Variants in ATP6V1B1 observed in about 807,000 individuals in gnomAD.
ATP6V1B1 encodes the protein ATPase H+ transporting V1 subunit B1.
A neutral mutation model predicts 62.1 loss-of-function variants in ATP6V1B1; 41 were observed. The ratio of observed to expected loss-of-function variants is 0.66; its 90% confidence interval spans 0.51 to 0.86. The LOEUF is 0.86. Among genes scored for constraint, ATP6V1B1 ranks in the 40% least tolerant of loss-of-function variants. The pLI is 0.00. For missense variants in ATP6V1B1, 651 were observed against 697.5 expected (o/e 0.93, Z 0.75); for synonymous variants, 253 against 273.4 (o/e 0.93, Z 0.74).
At chr2:70,944,308 A>T in intron 2 of ATP6V1B1, 1 of 1,054,086 alleles carries the variant, frequency 9.5e-7, no homozygotes, top group South Asian at 1.4e-5. Flanking sequence ...AGACACTGAC[A>T]GTATCTTGAG....
intron 12 of ATP6V1B1, 33 bp downstream of exon 12, chr2:70,964,575 C>T (rs1247610367): frequency 2.5e-6 from 4 of 1,610,294 alleles, no homozygotes; most frequent in East Asian, 4.5e-5. Context: ...GCTGGTAGGT[C>T]CTCTAGTTTC....
intron 8 of ATP6V1B1, among the ~76,000 whole-genome samples, chr2:70,962,405 G>A (rs1553420234): frequency 6.6e-6 from 1 of 152,174 alleles, no homozygotes; most frequent in East Asian, 1.9e-4. Flanking sequence ...CAGAGCTAAA[G>A]CAGGTGCCCC....
intron 1 of ATP6V1B1, chr2:70,938,484 C>CTGGGCCACGGTGGAGGTGAGTCCAG: frequency 1.1e-6 from 1 of 947,022 alleles, no homozygotes; most frequent in Non-Finnish European, 1.3e-6. Flanking sequence ...CCAGTGCTCG[C>CTGGGCCACGGTGGAGGTGAGTCCAG]TGGGCCACGG....
chr2:70,937,790 T>A (rs889800941), intron 1 of ATP6V1B1, among the ~76,000 whole-genome samples: 15 of 151,932 alleles, frequency 9.9e-5, no homozygotes, highest in Non-Finnish European at 1.6e-4. Flanking sequence ...AGGTACCATC[T>A]AACCCCACAC....
intron 2 of ATP6V1B1, among the ~76,000 whole-genome samples, chr2:70,952,829 T>C (rs1553418514): frequency 6.6e-6 from 1 of 152,228 alleles, no homozygotes; most frequent in African/African-American, 2.4e-5. Flanking sequence ...TTGTTATTCA[T>C]TTTATTTTAT....
chr2:70,944,297 C>A, intron 2 of ATP6V1B1: 2 of 1,122,220 alleles, frequency 1.8e-6, no homozygotes, highest in South Asian at 1.4e-5. Flanking sequence ...GGGAAACTGG[C>A]AGACACTGAC....
intron 2 of ATP6V1B1, chr2:70,957,690 G>A (rs543986566): frequency 8.5e-5 from 30 of 352,586 alleles, no homozygotes; most frequent in South Asian, 4.3e-4. Context: ...TGCAGCAGCC[G>A]TGGGAAGTAG....
chr2:70,947,831 GT>G (rs1553417637), intron 2 of ATP6V1B1, among the ~76,000 whole-genome samples: 1 of 152,182 alleles, frequency 6.6e-6, no homozygotes, highest in African/African-American at 2.4e-5. Flanking sequence ...AGCCCTCTTA[GT>G]AACCGACATC....
chr2:70,963,730 G>C lies in ATP6V1B1; in HGVS notation c.1143+76G>C, dbSNP rs893615932. On this transcript the variant is annotated intron_variant, in intron 11 of 13. Transcript: ENST00000234396. The surrounding 1 kb of genome is among the most constrained non-coding windows in gnomAD (Gnocchi z 4.3). ...AGGAACAGATGTTTCACTGCCCCCA[G>C]GCATGAATTAGGAGGGGCCAGCCAA... The C allele has an allele frequency of 6.5e-5, 100 of 1,531,682 alleles. No homozygotes were observed. The highest frequency in any genetic ancestry group is 1.8e-5 in the Non-Finnish European group (20 of 1,109,742). The allele number at this position is 1,531,682 out of a possible 1,614,324, so 94.9% of individuals were successfully genotyped here.
chr2:70,958,298 C>A (rs368815802), intron 3 of ATP6V1B1, 35 bp from the exon 4 acceptor site: 30 of 1,609,488 alleles, frequency 1.9e-5, no homozygotes, highest in South Asian at 8.8e-5. Context: ...CTCCAGCAGG[C>A]CCCTTAGTGG....
At chr2:70,961,171 A>G (rs1208884242) in intron 7 of ATP6V1B1, 149 bp downstream of exon 7, 8 of 817,620 alleles carry the variant, frequency 9.8e-6, no homozygotes, top group Middle Eastern at 2.4e-4. Context: ...GACCACGGCC[A>G]TGTGTCCCTC....
intron 2 of ATP6V1B1, among the ~76,000 whole-genome samples, chr2:70,957,236 C>T (rs1273705718): frequency 7.7e-6 from 1 of 130,328 alleles, no homozygotes; most frequent in Non-Finnish European, 1.6e-5. Flanking sequence ...CAGGTGTGCA[C>T]CACCACACCT....
Position 70,964,959 on chromosome 2 carries a change from C to A in ATP6V1B1, c.1380C>A (p.Gly460=), listed in dbSNP as rs140722500. The A allele has an allele frequency of 6.2e-7, 1 of 1,614,026 alleles. No homozygotes were observed. The highest frequency in any genetic ancestry group is 2.2e-5 in the East Asian group (1 of 44,884). Residue 460 remains glycine, a splice_region_variant and synonymous_variant, in exon 14 of 14, where the codon GGC becomes GGA. Transcript: ENST00000234396. ...CACTCCCTCCCGCTCTGTCCCTAGG[C>A]CCCTACGAGAACCGCTCGGTGTTCG... is the stretch of plus-strand genomic sequence containing the variant. ...QKFEKNFINQ[G]PYENRSVFES...
chr2:70,942,286 C>A (rs1680024314), intron 1 of ATP6V1B1: 3 of 399,066 alleles, frequency 7.5e-6, no homozygotes, highest in African/African-American at 2.1e-5. Flanking sequence ...TGAGGGAGAT[C>A]CCCTGCTCTG....
chr2:70,944,701 C>G (rs1680106893), intron 2 of ATP6V1B1, among the ~76,000 whole-genome samples: 1 of 146,748 alleles, frequency 6.8e-6, no homozygotes, highest in South Asian at 2.2e-4. Flanking sequence ...CGGAGTCTCA[C>G]TCTGTCCCCC....
Position 70,965,148 on chromosome 2 carries a change from C to T in ATP6V1B1, c.*27C>T, listed in dbSNP as rs1553420865. 5 of 1,603,138 alleles carry T rather than the reference C, an allele frequency of 3.1e-6. No individual in the cohort carries two copies. Among genetic ancestry groups the T allele is most frequent in the South Asian group, 1.1e-5 (1 of 90,970 alleles). On this transcript the variant is annotated 3_prime_UTR_variant, in exon 14 of 14. Coordinates refer to ENST00000234396, the MANE Select transcript of ATP6V1B1 (RefSeq NM_001692.4). ...CCCGCGCGCCGTGGCACCCCAACAC[C>T]GGCAGGGAACCTACCCTCGGCTCCC...
At chr2:70,952,406 T>C (rs1031553078) in intron 2 of ATP6V1B1, among the ~76,000 whole-genome samples, 7 of 151,286 alleles carry the variant, frequency 4.6e-5, no homozygotes, top group Non-Finnish European at 8.8e-5. Flanking sequence ...CAGGTTGCAG[T>C]GAGCCGAGAT....
At chr2:70,943,187 TAC>T (rs3831677) in intron 1 of ATP6V1B1, among the ~76,000 whole-genome samples, 76,932 of 150,784 alleles carry the variant, frequency 0.51, 19,771 homozygotes, top group South Asian at 0.65. Context: ...ACACACCACA[TAC>T]ACACACACAC....
chr2:70,953,284 G>C (rs950758955), intron 2 of ATP6V1B1, among the ~76,000 whole-genome samples: 1 of 152,116 alleles, frequency 6.6e-6, no homozygotes, highest in Admixed American at 6.5e-5. Context: ...GTTTTTTGAG[G>C]ATATTCTTTT....
Sources: allele counts gnomAD v4.1 joint callset (sites outside exome capture counted in the v4.1 genomes callset), GRCh38; gene constraint gnomAD v4.1.1; non-coding constraint Gnocchi (gnomAD v3.1); transcripts MANE v1.5; gene names NCBI Gene and HGNC (gene_info 2026-07-23, HGNC 2026-07-21).